The following PTPRC variants were observed in gnomAD, a reference collection of about 807,000 sequenced individuals.
The protein encoded by PTPRC is protein tyrosine phosphatase receptor type C.
In PTPRC, 44 loss-of-function variants were observed where a neutral mutation model predicts 155.9. That is an observed-to-expected ratio of 0.28 (90% CI 0.22 to 0.36). The LOEUF (loss-of-function observed/expected upper bound fraction) is 0.36. Among genes scored for constraint, PTPRC ranks in the 10% least tolerant of loss-of-function variants. The probability of loss-of-function intolerance (pLI) is 1.00; values close to 1 mark genes in which losing one functional copy is unlikely to be tolerated. For synonymous variants in PTPRC, 525 were observed against 533.1 expected, an observed-to-expected ratio of 0.98 and a Z score of 0.21; for missense variants, 1,401 against 1,564.6, an observed-to-expected ratio of 0.90 and a Z score of 1.76.
intron 17 of PTPRC, among the ~76,000 whole-genome samples, chr1:198,730,741 G>A (rs1654349312): frequency 6.6e-6 from 1 of 152,136 alleles, no homozygotes; most frequent in South Asian, 2.1e-4. Context: ...AGTTCAGAAT[G>A]AATGAATACC....
rs567968808 is a variant in PTPRC, at chr1:198,642,041, T to A, written c.73+2700T>A. Among the ~76,000 whole-genome samples, 725 of 152,092 alleles carry A rather than the reference T, an allele frequency of 4.8e-3. 7 individuals carry two copies. The highest frequency in any genetic ancestry group is 0.017 in the African/African-American group (706 of 41,522). ...AATTACTTATTAATTTGAAAAAAAATGTCCTACTAAAAACCTGCCTGTGAC... is the reference window on the plus strand; with the variant it reads ...AATTACTTATTAATTTGAAAAAAAAAGTCCTACTAAAAACCTGCCTGTGAC... On this transcript the variant is annotated intron_variant, in intron 2 of 32. Coordinates refer to ENST00000442510, the MANE Select transcript of PTPRC (RefSeq NM_002838.5).
intron 2 of PTPRC, among the ~76,000 whole-genome samples, chr1:198,684,738 T>C (rs1384109798): frequency 6.6e-6 from 1 of 152,034 alleles, no homozygotes; most frequent in Non-Finnish European, 1.5e-5. Context: ...TTGCTTTTTA[T>C]AACCTCTTGC....
chr1:198,740,162 AAAGC>A (rs1321355118), intron 23 of PTPRC, among the ~76,000 whole-genome samples: 89 of 152,048 alleles, frequency 5.9e-4, no homozygotes, highest in African/African-American at 2.0e-3. Flanking sequence ...AAGAACTAGA[AAAGC>A]AAGAGCAAAC....
At chr1:198,656,496 T>A (rs1663574580) in intron 2 of PTPRC, among the ~76,000 whole-genome samples, 1 of 152,020 alleles carries the variant, frequency 6.6e-6, no homozygotes. Flanking sequence ...TTTTTGCCCA[T>A]GGATCCAGAT....
chr1:198,748,509 A>AT (rs1275385648), intron 27 of PTPRC, among the ~76,000 whole-genome samples: 1 of 151,718 alleles, frequency 6.6e-6, no homozygotes, highest in African/African-American at 2.4e-5. Flanking sequence ...TCTTTTACCC[A>AT]TTTTCTTTCA....
At chr1:198,677,670 T>G (rs1325140509) in intron 2 of PTPRC, among the ~76,000 whole-genome samples, 1 of 152,148 alleles carries the variant, frequency 6.6e-6, no homozygotes, top group Non-Finnish European at 1.5e-5. Context: ...TCAAAATAAT[T>G]AAATCTAAAC....
rs572654577 is a variant in PTPRC, at chr1:198,639,064, C to A, written c.-117C>A. ...TGACATCATCACCTAGCAGTTCATGCAGCTAGCAAGTGGTTTGTTCTTAGG... is the reference window on the plus strand; with the variant it reads ...TGACATCATCACCTAGCAGTTCATGAAGCTAGCAAGTGGTTTGTTCTTAGG... On this transcript the variant is annotated 5_prime_UTR_variant, in exon 1 of 33. Transcript: ENST00000442510. 1 of 570,290 alleles carries A rather than the reference C, an allele frequency of 1.8e-6. No individual in the cohort carries two copies. The highest frequency in any genetic ancestry group is 3.0e-5 in the Admixed American group (1 of 32,898). The allele number at this position is 570,290 out of a possible 1,614,324, so 35.3% of individuals were successfully genotyped here.
chr1:198,750,593 T>C lies in PTPRC; in HGVS notation c.3174T>C (p.Ile1058=), dbSNP rs748242624. The C allele has an allele frequency of 2.5e-6, 4 of 1,612,830 alleles. No homozygotes were observed. The highest frequency in any genetic ancestry group is 3.4e-6 in the Non-Finnish European group (4 of 1,179,180). Reference sequence around the variant, plus strand: ...TCTTCCAAAGAAAAGTCAAAGTTATTGTTATGCTGACAGAACTGAAACATG... The same window carrying C: ...TCTTCCAAAGAAAAGTCAAAGTTATCGTTATGCTGACAGAACTGAAACATG... ...QMIFQRKVKV[I]VMLTELKHGD... Residue 1058 remains isoleucine (I), a synonymous_variant, in exon 29 of 33, where the codon ATT becomes ATC. Transcript: ENST00000442510.
chr1:198,642,895 T>TCTTTCTTCCTTC (rs780083760), intron 2 of PTPRC, among the ~76,000 whole-genome samples: 1,690 of 77,886 alleles, frequency 0.022, 20 homozygotes, highest in African/African-American at 0.028. Context: ...TTTTTTCTTT[T>TCTTTCTTCCTTC]CTTTCTTTCT....
rs192768737 is a variant in PTPRC at position 198,686,568 on chromosome 1, T to C, written c.74-5779T>C. Reference sequence around the variant, plus strand: ...TACTTTGAGAAATAGTGATGCCTTCTCTTTATTGTCACACACCTACACATG... The same window carrying C: ...TACTTTGAGAAATAGTGATGCCTTCCCTTTATTGTCACACACCTACACATG... On this transcript the variant is annotated intron_variant, in intron 2 of 32. Transcript: ENST00000442510. 1.4e-3 allele frequency among the ~76,000 whole-genome samples: 220 copies of C among 152,348 alleles called. 1 individual carries two copies. The highest frequency in any genetic ancestry group is 0.014 in the Middle Eastern group (4 of 294).
intron 15 of PTPRC, among the ~76,000 whole-genome samples, chr1:198,725,780 T>G (rs1164311653): frequency 6.6e-6 from 1 of 152,190 alleles, no homozygotes; most frequent in Non-Finnish European, 1.5e-5. Flanking sequence ...TGACCCATGA[T>G]TCACATTTAC....
At chr1:198,704,387 A>C (rs1476938210) in intron 7 of PTPRC, 85 bp from the exon 8 acceptor site, 2 of 1,597,018 alleles carry the variant, frequency 1.3e-6, no homozygotes, top group African/African-American at 2.7e-5. Flanking sequence ...AAGTAGAAGT[A>C]TTGTAAATCA....
At chr1:198,739,428 T>C (rs926914000) in intron 23 of PTPRC, among the ~76,000 whole-genome samples, 1 of 150,632 alleles carries the variant, frequency 6.6e-6, no homozygotes, top group Non-Finnish European at 1.5e-5. Flanking sequence ...AAGGAGTACC[T>C]ATACTTATAT....
intron 20 of PTPRC, 144 bp from the exon 21 acceptor site, chr1:198,734,052 T>G: frequency 1.4e-6 from 1 of 735,262 alleles, no homozygotes; most frequent in Non-Finnish European, 2.3e-6. Context: ...TTAATAAGAT[T>G]CCCTTAATAC....
chr1:198,754,314 C>T lies in PTPRC; in HGVS notation c.3555C>T (p.Leu1185=), dbSNP rs764075173. Residue 1185 remains leucine, a synonymous_variant, in exon 32 of 33, where the codon CTC becomes CTT. Coordinates refer to ENST00000442510, the MANE Select transcript of PTPRC (RefSeq NM_002838.5). The stretch of plus-strand genomic sequence containing the variant: ...GAATATTTTGTGCTTTGTTAAATCT[C>T]TTAGAAAGTGCGGAAACAGAAGAGG... ...QTGIFCALLN[L]LESAETEEVV... The T allele has an allele frequency of 6.2e-7, 1 of 1,611,778 alleles. No homozygotes were observed. Among genetic ancestry groups the T allele is most frequent in the South Asian group, 1.1e-5 (1 of 91,044 alleles).
In PTPRC at chr1:198,742,354, T is replaced by C; in HGVS notation, c.2684T>C (p.Met895Thr). ...VVKLRRQRCL[M>T]VQVEAQYILI... ...AAGCTAAGGCGACAGAGATGCCTGATGGTTCAAGTAGAGGTATGTTCTAAC... is the reference window on the plus strand; with the variant it reads ...AAGCTAAGGCGACAGAGATGCCTGACGGTTCAAGTAGAGGTATGTTCTAAC... Residue 895 changes from methionine to threonine, a missense_variant, in exon 25 of 33, where the codon ATG becomes ACG. By Grantham distance (81) the Met-to-Thr change is moderately conservative (BLOSUM62 -1). This residue lies in a region of PTPRC where 134 missense variants were observed against 204.7 expected (regional missense o/e 0.65). Transcript: ENST00000442510. 4 of 1,612,122 alleles carry C rather than the reference T, an allele frequency of 2.5e-6. No individual in the cohort carries two copies. Among genetic ancestry groups the C allele is most frequent in the Non-Finnish European group, 3.4e-6 (4 of 1,178,702 alleles).
intron 2 of PTPRC, among the ~76,000 whole-genome samples, chr1:198,685,293 A>T (rs900765107): frequency 6.6e-6 from 1 of 152,036 alleles, no homozygotes; most frequent in African/African-American, 2.4e-5. Flanking sequence ...GCAATTTACT[A>T]AACTCTTTTA....
In PTPRC at chr1:198,713,081, T is replaced by C; in HGVS notation, c.1291+9T>C. On this transcript the variant is annotated intron_variant, in intron 12 of 32. Coordinates refer to ENST00000442510, the MANE Select transcript of PTPRC (RefSeq NM_002838.5). ...TTATATAAAAGAGACAGGTAATTTG[T>C]GTAGAATTTAATTTCATCAGAAAAG... 1.2e-6 allele frequency: 2 copies of C among 1,613,368 alleles called. No individual in the cohort carries two copies. Among genetic ancestry groups the C allele is most frequent in the Non-Finnish European group, 1.7e-6 (2 of 1,179,462 alleles).
At chr1:198,693,274 C>T in intron 3 of PTPRC, 8 of 561,348 alleles carry the variant, frequency 1.4e-5, no homozygotes, top group Non-Finnish European at 1.8e-5. Flanking sequence ...AACTATATTT[C>T]CTTATTTTTA....
Sources: allele counts gnomAD v4.1 joint callset (sites outside exome capture counted in the v4.1 genomes callset), GRCh38; gene constraint gnomAD v4.1.1; regional missense constraint gnomAD v4.1.1; transcripts MANE v1.5; gene names NCBI Gene and HGNC (gene_info 2026-07-23, HGNC 2026-07-21).